The following MYO15A variants were observed in gnomAD, a reference collection of about 807,000 sequenced individuals.
The protein encoded by MYO15A is myosin XVA.
MYO15A carries 308 observed loss-of-function variants against 394.6 expected under a neutral mutation model. The observed-to-expected ratio is 0.78, with a 90% CI of 0.71 to 0.86. The LOEUF (loss-of-function observed/expected upper bound fraction) is 0.86, where lower values mean the gene tolerates loss of function less well. Among genes scored for constraint, MYO15A ranks in the 40% least tolerant of loss-of-function variants. MYO15A has a pLI of 0.00. For synonymous variants in MYO15A, 1,957 were observed against 2,003.8 expected, an observed-to-expected ratio of 0.98 and a Z score of 0.62; for missense variants, 4,606 against 4,799.1, an observed-to-expected ratio of 0.96 and a Z score of 1.19.
At position 18,118,850 on chromosome 17, in the gene MYO15A, G is replaced by C; in HGVS notation, c.50G>C (p.Gly17Ala). ...AAGAAAGCCAAGAAAGGGAAGAAGGGGAAGAAGGCACCGGAGCCGGAGAAG... is the reference window on the plus strand; with the variant it reads ...AAGAAAGCCAAGAAAGGGAAGAAGGCGAAGAAGGCACCGGAGCCGGAGAAG... ...EEKKAKKGKKGKKAPEPEKPK... is the reference protein window; with the variant it reads ...EEKKAKKGKKAKKAPEPEKPK... Residue 17 changes from glycine to alanine, a missense_variant, in exon 2 of 66, where the codon GGG becomes GCG. By Grantham distance (60) the Gly-to-Ala change is moderately conservative (BLOSUM62 0). Coordinates refer to ENST00000647165, the MANE Select transcript of MYO15A (RefSeq NM_016239.4). The C allele has an allele frequency of 6.2e-7, 1 of 1,612,398 alleles. No homozygotes were observed. The highest frequency in any genetic ancestry group is 2.2e-5 in the East Asian group (1 of 44,826).
intron 35 of MYO15A, chr17:18,149,950 CAAAAAA>C: frequency 3.3e-4 from 41 of 122,950 alleles, no homozygotes; most frequent in South Asian, 5.8e-4. Flanking sequence ...GACCCTGTCT[CAAAAAA>C]AAAAAAAAAA....
chr17:18,145,799 G>C, intron 29 of MYO15A, 73 bp from the exon 30 acceptor site: 1 of 1,317,854 alleles, frequency 7.6e-7, no homozygotes, highest in Non-Finnish European at 1.1e-6. Context: ...ACATGAGAGG[G>C]ATGCATGTTG....
In MYO15A at chr17:18,119,586, G is replaced by C; in HGVS notation, c.786G>C (p.Ala262=). 2 of 1,604,902 alleles carry C rather than the reference G, an allele frequency of 1.2e-6. No homozygotes were observed. The highest frequency in any genetic ancestry group is 8.5e-7 in the Non-Finnish European group (1 of 1,179,926). Residue 262 remains alanine (A), a synonymous_variant, in exon 2 of 66, where the codon GCG becomes GCC. Transcript: ENST00000647165. ...HRYEEQEPYL[A]GLGPYSPAWP... is the part of the protein sequence containing the mutation. ...ACGAGGAGCAGGAACCCTACCTGGC[G>C]GGCCTCGGCCCCTACAGCCCGGCCT...
Position 18,122,068 on chromosome 17 carries a change from C to A in MYO15A, c.3268C>A (p.Pro1090Thr), listed in dbSNP as rs760164088. The change falls in exon 2 of 66, where the codon CCC (proline) becomes ACC (threonine). Residue 1090 changes from proline to threonine, a missense_variant. By Grantham distance (38) the Pro-to-Thr change is conservative (BLOSUM62 -1). Coordinates refer to ENST00000647165, the MANE Select transcript of MYO15A (RefSeq NM_016239.4). The stretch of plus-strand genomic sequence containing the variant: ...GGGAACACTGCCCCAAGCCGCAGCC[C>A]CCTTGGCGCCCATCAGGGCCCCAGA... ...RWGTLPQAAA[P>T]LAPIRAPEPL... 2 of 1,612,890 alleles carry A rather than the reference C, an allele frequency of 1.2e-6. No homozygotes were observed. Among genetic ancestry groups the A allele is most frequent in the Non-Finnish European group, 1.7e-6 (2 of 1,179,976 alleles).
In MYO15A at chr17:18,147,442, T is replaced by TTAGCTGC. The variant is rs1429830964; in HGVS notation, c.6510-586_6510-580dup. On this transcript the variant is annotated intron_variant, in intron 30 of 65. Coordinates refer to ENST00000647165, the MANE Select transcript of MYO15A (RefSeq NM_016239.4). The surrounding 1 kb of genome is among the most constrained non-coding windows in gnomAD (Gnocchi z 4.4). ...GCACCAGTGCTGCTCTTGGCCAGGC[T>TTAGCTGC]TAGCTGCAGGAGATGTAGGATGTGG... 1.3e-5 allele frequency among the ~76,000 whole-genome samples: 2 copies of TTAGCTGC among 152,162 alleles called. No homozygotes were observed. The highest frequency in any genetic ancestry group is 4.8e-5 in the African/African-American group (2 of 41,426).
At position 18,141,127 on chromosome 17, in the gene MYO15A, C is replaced by T. The variant is rs760853089; in HGVS notation, c.5515C>T (p.Gln1839Ter). 1.7e-5 allele frequency: 28 copies of T among 1,613,690 alleles called. No homozygotes were observed. The highest frequency in any genetic ancestry group is 2.0e-5 in the Non-Finnish European group (24 of 1,180,036). Residue 1839 changes from glutamine to a stop codon, truncating the protein, a stop_gained, in exon 22 of 66, where the codon CAG becomes TAG. Coordinates refer to ENST00000647165, the MANE Select transcript of MYO15A (RefSeq NM_016239.4). LOFTEE classifies it high-confidence loss of function. ...KEGFPVRLPF[Q>*]GFIDRYCCLV... ...GGGATTTCCAGTGCGCCTGCCTTTC[C>T]AGGGGTTCATCGACAGGTATCTTGG...
chr17:18,113,175 CAG>C (rs2045742666), intron 1 of MYO15A, among the ~76,000 whole-genome samples: 1 of 152,214 alleles, frequency 6.6e-6, no homozygotes, highest in South Asian at 2.1e-4. Context: ...TGTTTTGACA[CAG>C]AGTCTTGCTC....
chr17:18,120,285 G>A lies in MYO15A; in HGVS notation c.1485G>A (p.Val495=). 6.2e-7 allele frequency: 1 copy of A among 1,611,874 alleles called. No homozygotes were observed. ...VKLFGKEKLE[V]PLPPSLDIPL... ...TGTTTGGGAAGGAGAAGCTGGAGGT[G>A]CCCCTGCCACCCTCTCTGGACATTC... is the stretch of plus-strand genomic sequence containing the variant. The change falls in exon 2 of 66, where the codon GTG becomes GTA. Residue 495 remains valine, a synonymous_variant. Transcript: ENST00000647165.
chr17:18,167,118 C>T (rs181845952), intron 61 of MYO15A, among the ~76,000 whole-genome samples: 5 of 152,338 alleles, frequency 3.3e-5, no homozygotes, highest in Admixed American at 2.6e-4. Flanking sequence ...AAGCATGGCC[C>T]TGTGCAGTCC....
intron 7 of MYO15A, among the ~76,000 whole-genome samples, chr17:18,130,030 C>T (rs142854153): frequency 6.6e-5 from 10 of 152,154 alleles, no homozygotes; most frequent in African/African-American, 1.9e-4. Context: ...CAGGCGCCCA[C>T]GACCACGCCC....
At position 18,120,477 on chromosome 17, in the gene MYO15A, T is replaced by A; in HGVS notation, c.1677T>A (p.Pro559=). 1.3e-6 allele frequency: 2 copies of A among 1,574,506 alleles called. No homozygotes were observed. The highest frequency in any genetic ancestry group is 1.7e-6 in the Non-Finnish European group (2 of 1,163,952). ...CCCACCGGGGCCTGGGCTTCGGCCC[T>A]GAGTTTGGCCGCCCCGTGCCTCGCC... ...FGAHRGLGFG[P]EFGRPVPRPA... is the part of the protein sequence containing the mutation. The change falls in exon 2 of 66, where the codon CCT becomes CCA. Residue 559 remains proline, a synonymous_variant. Coordinates refer to ENST00000647165, the MANE Select transcript of MYO15A (RefSeq NM_016239.4).
rs2045887486 is a variant in MYO15A, at chr17:18,120,233, G to A, written c.1433G>A (p.Arg478His). 1.2e-6 allele frequency: 2 copies of A among 1,612,380 alleles called. No homozygotes were observed. The highest frequency in any genetic ancestry group is 1.3e-5 in the African/African-American group (1 of 75,066). The change falls in exon 2 of 66, where the codon CGC becomes CAC. Residue 478 changes from arginine (R) to histidine (H), a missense_variant. Arg to His is a conservative substitution (Grantham distance 29). Coordinates refer to ENST00000647165, the MANE Select transcript of MYO15A (RefSeq NM_016239.4). ...AAGCTGTCCCTCATCCGCAAGTTCC[G>A]CCTCTTCCCGCGACCCCAGGTGAAG... is the stretch of plus-strand genomic sequence containing the variant. ...RSKLSLIRKF[R>H]LFPRPQVKLF...
At chr17:18,173,464 C>CA (rs2046969837) in intron 64 of MYO15A, 1 of 389,654 alleles carries the variant, frequency 2.6e-6, no homozygotes, top group African/African-American at 2.1e-5. Context: ...GAGGTGTTCA[C>CA]AAGAAGCAAC....
At chr17:18,113,611 TAGTC>T (rs2045748232) in intron 1 of MYO15A, among the ~76,000 whole-genome samples, 3 of 151,832 alleles carry the variant, frequency 2.0e-5, no homozygotes, top group South Asian at 4.2e-4. Flanking sequence ...ATACAAAAAT[TAGTC>T]AGGCATGGTG....
At position 18,120,691 on chromosome 17, in the gene MYO15A, G is replaced by C. The variant is rs755479632; in HGVS notation, c.1891G>C (p.Ala631Pro). ...CGGCACGCCCATCGTGCTGAGGAGG[G>C]CCCAGCCACGCGCTCGCAGCAGCAA... ...KPGTPIVLRR[A>P]QPRARSSNDA... Residue 631 changes from alanine (A) to proline (P), a missense_variant, in exon 2 of 66, where the codon GCC (alanine) becomes CCC (proline). Ala to Pro is a conservative substitution (Grantham distance 27, BLOSUM62 -1). Around this residue, in one of 2 missense-constraint regions of MYO15A, gnomAD observed 1,830 missense variants for 1,689.7 expected, o/e 1.08. Transcript: ENST00000647165. 1.3e-6 allele frequency: 2 copies of C among 1,557,588 alleles called. No homozygotes were observed. The highest frequency in any genetic ancestry group is 1.7e-6 in the Non-Finnish European group (2 of 1,159,412).
At chr17:18,134,805 C>A (rs115396296) in intron 12 of MYO15A, among the ~76,000 whole-genome samples, 1 of 152,176 alleles carries the variant, frequency 6.6e-6, no homozygotes, top group Non-Finnish European at 1.5e-5. Flanking sequence ...TAATTCCAGA[C>A]GTTCTATTGT....
rs1437544813 is a variant in MYO15A at position 18,150,550 on chromosome 17, G to A, written c.7327+7G>A. 6.2e-7 allele frequency: 1 copy of A among 1,614,084 alleles called. No individual in the cohort carries two copies. Among genetic ancestry groups the A allele is most frequent in the African/African-American group, 1.3e-5 (1 of 75,056 alleles). ...CCCCCAGAGCCAAAGCCAAGTCAGT[G>A]CCTCCCCAGGGTGGTTCCAGGGTTG... On this transcript the variant is annotated splice_region_variant and intron_variant, in intron 36 of 65. Transcript: ENST00000647165. The surrounding 1 kb of genome is among the most constrained non-coding windows in gnomAD (Gnocchi z 4.4).
At position 18,149,488 on chromosome 17, in the gene MYO15A, T is replaced by C. The variant is rs763553435; in HGVS notation, c.7120T>C (p.Ser2374Pro). ...CATTTTTGTGCCTTCCCCTCCAGAG[T>C]CAGACAGTCTTGGAGAGCCTGCTGT... ...AQRGTATHQE[S>P]DSLGEPAVPH... Residue 2374 changes from serine (S) to proline (P), a missense_variant and splice_region_variant, in exon 35 of 66, where the codon TCA (serine) becomes CCA (proline). Ser to Pro is a moderately conservative substitution (Grantham distance 74, BLOSUM62 -1). Transcript: ENST00000647165. 2 of 1,614,046 alleles carry C rather than the reference T, an allele frequency of 1.2e-6. No individual in the cohort carries two copies. Among genetic ancestry groups the C allele is most frequent in the South Asian group, 2.2e-5 (2 of 91,070 alleles).
intron 13 of MYO15A, 38 bp from the exon 14 acceptor site, chr17:18,136,379 C>T (rs2046271360): frequency 6.2e-7 from 1 of 1,612,590 alleles, no homozygotes; most frequent in Non-Finnish European, 8.5e-7. Context: ...GGCAGAGTGG[C>T]CAGCCTGATG....
Sources: gnomAD v4.1 joint callset for allele counts (sites outside exome capture counted in the v4.1 genomes callset) on GRCh38, gnomAD v4.1.1 for gene constraint, gnomAD v4.1.1 regional missense constraint, Gnocchi (gnomAD v3.1) non-coding constraint, MANE v1.5 for transcripts, NCBI Gene and HGNC (gene_info 2026-07-23, HGNC 2026-07-21) for gene names.